Variants in ADAM17 observed in about 807,000 individuals in gnomAD.
The protein encoded by ADAM17 is disintegrin and metalloproteinase domain-containing protein 17.
ADAM17 carries 39 observed loss-of-function variants against 96.7 expected under a neutral mutation model. The observed-to-expected ratio is 0.40, with a 90% confidence interval of 0.31 to 0.53. The LOEUF is 0.53. ADAM17 is among the 20% of genes least tolerant of loss of function. ADAM17 has a pLI of 0.44. For missense variants in ADAM17, 777 were observed against 1,013.2 expected (o/e 0.77, Z 3.17); for synonymous variants, 344 against 359.2 (o/e 0.96, Z 0.48).
At chr2:9,516,463 G>A (rs1347864472) in intron 10 of ADAM17, among the ~76,000 whole-genome samples, 1 of 152,082 alleles carries the variant, frequency 6.6e-6, no homozygotes, top group African/African-American at 2.4e-5. Flanking sequence ...CCTACACCAA[G>A]TATAACATCA....
At position 9,522,489 on chromosome 2, in the gene ADAM17, TTC is replaced by T. The variant is rs1288962494; in HGVS notation, c.843+758_843+759del. 6 of 565,702 alleles carry T rather than the reference TTC, an allele frequency of 1.1e-5. No homozygotes were observed. The Admixed American group carries it at 1.3e-4, about 12-fold the overall frequency. The allele number at this position is 565,702 out of a possible 1,614,324, so 35.0% of individuals were successfully genotyped here. A position where few individuals can be genotyped will look rare whatever the true frequency, so the allele number is the denominator to read the frequency against. Reference sequence around the variant, plus strand: ...AAAGAGAATGAAAAGGGAAAAATAATTCTCTTAGTTTTATACAAGTAATATCA... The same window carrying T: ...AAAGAGAATGAAAAGGGAAAAATAATTCTTAGTTTTATACAAGTAATATCA... On this transcript the variant is annotated intron_variant, in intron 7 of 18. Transcript: ENST00000310823.
intron 12 of ADAM17, among the ~76,000 whole-genome samples, chr2:9,503,837 C>CAAA (rs34655910): frequency 8.0e-6 from 1 of 124,804 alleles, no homozygotes. Context: ...GACTCCGTCT[C>CAAA]AAAAAAAAAA....
intron 1 of ADAM17, among the ~76,000 whole-genome samples, chr2:9,553,232 T>C (rs1256600369): frequency 1.3e-5 from 2 of 152,230 alleles, no homozygotes; most frequent in Non-Finnish European, 2.9e-5. Flanking sequence ...TAACGTACTC[T>C]AGCACTCTCC....
chr2:9,548,556 A>G (rs1454435956), intron 1 of ADAM17, among the ~76,000 whole-genome samples: 1 of 151,722 alleles, frequency 6.6e-6, no homozygotes, highest in Non-Finnish European at 1.5e-5. Context: ...AAGATTCTGG[A>G]GTTTTGAATG....
At chr2:9,503,295 A>C (rs1663138703) in intron 12 of ADAM17, among the ~76,000 whole-genome samples, 1 of 152,200 alleles carries the variant, frequency 6.6e-6, no homozygotes, top group Non-Finnish European at 1.5e-5. Context: ...TTCACCAGAA[A>C]ACTGAAGTTT....
intron 10 of ADAM17, among the ~76,000 whole-genome samples, chr2:9,513,144 A>T (rs2125012163): frequency 6.6e-6 from 1 of 152,130 alleles, no homozygotes; most frequent in South Asian, 2.1e-4. Context: ...ATAGGCATGC[A>T]CCACCACACC....
chr2:9,544,092 C>T (rs898777716), intron 1 of ADAM17, among the ~76,000 whole-genome samples: 13 of 152,250 alleles, frequency 8.5e-5, no homozygotes, highest in African/African-American at 3.1e-4. Context: ...CCACCTTTCC[C>T]AAACCCCTTC....
chr2:9,511,544 T>C (rs952149475), intron 10 of ADAM17, among the ~76,000 whole-genome samples: 2 of 152,224 alleles, frequency 1.3e-5, no homozygotes, highest in Admixed American at 1.3e-4. Context: ...CTTAATGACC[T>C]AGAGGACTTG....
At chr2:9,498,313 T>A (rs183832723) in intron 13 of ADAM17, among the ~76,000 whole-genome samples, 1 of 152,306 alleles carries the variant, frequency 6.6e-6, no homozygotes, top group East Asian at 1.9e-4. Flanking sequence ...ATGATAGGCA[T>A]GAGCCACTGT....
intron 1 of ADAM17, among the ~76,000 whole-genome samples, chr2:9,544,695 G>A (rs750145509): frequency 1.2e-4 from 18 of 151,874 alleles, no homozygotes; most frequent in South Asian, 4.2e-4. Context: ...GCGTGGTGGC[G>A]GGCACCTGTA....
chr2:9,514,534 T>TATATAA (rs1663941266), intron 10 of ADAM17, among the ~76,000 whole-genome samples: 1 of 20,672 alleles, frequency 4.8e-5, no homozygotes, highest in Non-Finnish European at 9.8e-5. Flanking sequence ...TATATATATA[T>TATATAA]ATATATATAT....
chr2:9,538,224 T>C (rs1665068929), intron 2 of ADAM17, among the ~76,000 whole-genome samples: 1 of 152,192 alleles, frequency 6.6e-6, no homozygotes, highest in South Asian at 2.1e-4. Context: ...CAAAGAAAGG[T>C]ATATTATTCA....
chr2:9,541,863 ACT>A (rs1394832429), intron 2 of ADAM17, among the ~76,000 whole-genome samples: 3 of 151,362 alleles, frequency 2.0e-5, no homozygotes, highest in African/African-American at 7.3e-5. Flanking sequence ...ACATGGTGAA[ACT>A]CTGTCTCTAC....
intron 8 of ADAM17, 62 bp downstream of exon 8, chr2:9,521,141 C>A (rs914056384): frequency 7.6e-7 from 1 of 1,318,600 alleles, no homozygotes; most frequent in South Asian, 1.2e-5. Flanking sequence ...AAAACACATA[C>A]AATCCACATA....
At chr2:9,540,246 T>C (rs1418759390) in intron 2 of ADAM17, among the ~76,000 whole-genome samples, 1 of 152,226 alleles carries the variant, frequency 6.6e-6, no homozygotes, top group Non-Finnish European at 1.5e-5. Context: ...TTCTTGCTAC[T>C]ATATCCACTT....
chr2:9,522,277 T>C (rs1342799294), intron 7 of ADAM17: 5 of 442,572 alleles, frequency 1.1e-5, no homozygotes, highest in East Asian at 9.4e-5. Context: ...TACAGACATA[T>C]ACATACACTA....
rs754284338 is a variant in ADAM17, at chr2:9,490,205, C to A, written c.2447G>T (p.Arg816Leu). The change falls in exon 19 of 19, where the codon CGT becomes CTT. Residue 816 changes from arginine (R) to leucine (L), a missense_variant. Arg to Leu is a moderately radical substitution (Grantham distance 102). Coordinates refer to ENST00000310823, the MANE Select transcript of ADAM17 (RefSeq NM_003183.6). ...GCACTCTGTTTCTTTGCTGTCAACA[C>A]GATTCTGACGCTGCAGTTTAAAGGA... ...AASFKLQRQN[R>L]VDSKETEC is the part of the protein sequence containing the mutation. 1.3e-6 allele frequency: 2 copies of A among 1,598,690 alleles called. No individual in the cohort carries two copies. Among genetic ancestry groups the A allele is most frequent in the Non-Finnish European group, 8.6e-7 (1 of 1,166,772 alleles).
At chr2:9,528,080 A>G in intron 4 of ADAM17, 126 bp from the exon 5 acceptor site, 1 of 569,030 alleles carries the variant, frequency 1.8e-6, no homozygotes, top group Non-Finnish European at 2.7e-6. Context: ...CTGATTAGTC[A>G]TGTTATTAAA....
intron 4 of ADAM17, among the ~76,000 whole-genome samples, chr2:9,531,848 A>G (rs1236797903): frequency 6.6e-6 from 1 of 152,220 alleles, no homozygotes; most frequent in Non-Finnish European, 1.5e-5. Flanking sequence ...CTGTAATCCC[A>G]GCACTTTGGG....
Sources: allele counts gnomAD v4.1 joint callset (sites outside exome capture counted in the v4.1 genomes callset), GRCh38; gene constraint gnomAD v4.1.1; transcripts MANE v1.5; gene names NCBI Gene and HGNC (gene_info 2026-07-23, HGNC 2026-07-21).